The following ERBB4 variants were observed in gnomAD, a reference collection of about 807,000 sequenced individuals.
ERBB4 encodes the protein erb-b2 receptor tyrosine kinase 4.
Under a neutral mutation model 158.0 loss-of-function variants are expected in ERBB4, and 42 were observed. That is an observed-to-expected ratio of 0.27 (90% CI 0.21 to 0.34). The LOEUF (loss-of-function observed/expected upper bound fraction) is 0.34, where lower values mean the gene tolerates loss of function less well. Among genes scored for constraint, ERBB4 ranks in the 10% least tolerant of loss-of-function variants. ERBB4 has a pLI of 1.00. For synonymous variants in ERBB4, 583 were observed against 558.7 expected (o/e 1.04, Z -0.61); for missense variants, 1,333 against 1,624.1 (o/e 0.82, Z 3.08).
At chr2:212,395,350 A>G (rs1574840345) in intron 1 of ERBB4, among the ~76,000 whole-genome samples, 1 of 151,922 alleles carries the variant, frequency 6.6e-6, no homozygotes, top group East Asian at 1.9e-4. Flanking sequence ...TATTATAATA[A>G]TATTTTACAA....
intron 1 of ERBB4, among the ~76,000 whole-genome samples, chr2:212,163,460 T>C (rs987341735): frequency 1.3e-5 from 2 of 152,086 alleles, no homozygotes; most frequent in African/African-American, 2.4e-5. Flanking sequence ...AGTCTGCAAC[T>C]AAACTCTTGA....
intron 2 of ERBB4, among the ~76,000 whole-genome samples, chr2:211,968,293 C>G (rs1052682475): frequency 6.6e-6 from 1 of 151,950 alleles, no homozygotes; most frequent in Admixed American, 6.6e-5. Flanking sequence ...GGGCATAGTT[C>G]ATGAAAATCA....
At chr2:211,414,342 C>T (rs970925753) in intron 25 of ERBB4, among the ~76,000 whole-genome samples, 1 of 151,368 alleles carries the variant, frequency 6.6e-6, no homozygotes, top group African/African-American at 2.4e-5. Context: ...ACTAAAAATA[C>T]AAAAATTAGC....
chr2:212,365,390 GAAGC>G (rs145057083), intron 1 of ERBB4, among the ~76,000 whole-genome samples: 168 of 151,736 alleles, frequency 1.1e-3, no homozygotes, highest in African/African-American at 4.0e-3. Context: ...GGGAAAATAT[GAAGC>G]AAGTAAAGAA....
chr2:211,879,974 A>G (rs1312538462), intron 3 of ERBB4, among the ~76,000 whole-genome samples: 1 of 150,576 alleles, frequency 6.6e-6, no homozygotes, highest in Non-Finnish European at 1.5e-5. Context: ...ATATATTATT[A>G]ATATATATTA....
chr2:212,160,946 C>T (rs186617950), intron 1 of ERBB4, among the ~76,000 whole-genome samples: 18 of 151,956 alleles, frequency 1.2e-4, no homozygotes, highest in Admixed American at 3.3e-4. Context: ...AGACAGGTAA[C>T]AAATTGCCAA....
At chr2:211,785,300 A>G (rs888993991) in intron 4 of ERBB4, among the ~76,000 whole-genome samples, 3 of 151,906 alleles carry the variant, frequency 2.0e-5, no homozygotes, top group African/African-American at 7.3e-5. Flanking sequence ...GCGGGGTTTC[A>G]CCGTGTTAGC....
At chr2:211,483,883 T>C (rs2065142544) in intron 20 of ERBB4, among the ~76,000 whole-genome samples, 1 of 151,954 alleles carries the variant, frequency 6.6e-6, no homozygotes, top group African/African-American at 2.4e-5. Context: ...TTGAGAATAA[T>C]ACAAGTAAGA....
At chr2:211,491,782 T>G (rs538256647) in intron 20 of ERBB4, among the ~76,000 whole-genome samples, 1 of 152,208 alleles carries the variant, frequency 6.6e-6, no homozygotes, top group South Asian at 2.1e-4. Flanking sequence ...TGTTAATTGT[T>G]TGCAGAAACA....
intron 1 of ERBB4, among the ~76,000 whole-genome samples, chr2:212,447,656 GA>G (rs2092382056): frequency 6.6e-6 from 1 of 152,104 alleles, no homozygotes; most frequent in African/African-American, 2.4e-5. Flanking sequence ...AAGAATTACA[GA>G]AATTTTAAGT....
At chr2:211,647,096 C>G (rs1226767511) in intron 16 of ERBB4, among the ~76,000 whole-genome samples, 4 of 151,614 alleles carry the variant, frequency 2.6e-5, no homozygotes, top group African/African-American at 9.7e-5. Flanking sequence ...TTATCTGTAT[C>G]TTTATCCTGT....
In ERBB4 at chr2:212,348,594, C is replaced by T. The variant is rs544603147; in HGVS notation, c.82+189855G>A. Among the ~76,000 whole-genome samples the T allele has an allele frequency of 4.6e-5, 7 of 152,098 alleles. No individual in the cohort carries two copies. In the South Asian group the frequency reaches 1.5e-3, roughly 32 times the overall value. On this transcript the variant is annotated intron_variant, in intron 1 of 27. Transcript: ENST00000342788. ...GTTATAGAATGTGAAAAAATTATTT[C>T]TAAAAATAAAAATGTAAAAATAGAA...
intron 2 of ERBB4, among the ~76,000 whole-genome samples, chr2:212,094,573 A>G (rs1391689789): frequency 6.6e-6 from 1 of 150,796 alleles, no homozygotes; most frequent in Non-Finnish European, 1.5e-5. Flanking sequence ...AAATAAAAAA[A>G]TAAAAAAAAA....
intron 3 of ERBB4, among the ~76,000 whole-genome samples, chr2:211,855,304 CT>C (rs2077828068): frequency 6.6e-6 from 1 of 152,096 alleles, no homozygotes; most frequent in Non-Finnish European, 1.5e-5. Flanking sequence ...TCTTGTCACT[CT>C]TAAAATTATG....
chr2:212,194,235 G>T (rs1434868516), intron 1 of ERBB4, among the ~76,000 whole-genome samples: 4 of 151,448 alleles, frequency 2.6e-5, no homozygotes, highest in Non-Finnish European at 5.9e-5. Flanking sequence ...AAAAGGGAGA[G>T]AAATTTTTAG....
At chr2:212,188,759 C>A (rs948244008) in intron 1 of ERBB4, among the ~76,000 whole-genome samples, 1 of 151,860 alleles carries the variant, frequency 6.6e-6, no homozygotes, top group Non-Finnish European at 1.5e-5. Flanking sequence ...AGGTCATCTT[C>A]CTTCAAGATT....
At chr2:211,930,820 G>T (rs2080155152) in intron 3 of ERBB4, among the ~76,000 whole-genome samples, 1 of 152,064 alleles carries the variant, frequency 6.6e-6, no homozygotes, top group African/African-American at 2.4e-5. Flanking sequence ...AAATATATTT[G>T]GTACTGTTTC....
chr2:212,277,961 GAC>G (rs1358904648), intron 1 of ERBB4, among the ~76,000 whole-genome samples: 1 of 151,486 alleles, frequency 6.6e-6, no homozygotes, highest in African/African-American at 2.4e-5. Context: ...AAAAAAATCA[GAC>G]AATGGCCTTT....
chr2:212,249,899 TTG>T (rs2084467037), intron 1 of ERBB4, among the ~76,000 whole-genome samples: 1 of 152,022 alleles, frequency 6.6e-6, no homozygotes, highest in South Asian at 2.1e-4. Context: ...GTAAAGAAGC[TTG>T]ACAATGTCAA....
Sources: gnomAD v4.1 joint callset for allele counts (sites outside exome capture counted in the v4.1 genomes callset) on GRCh38, gnomAD v4.1.1 for gene constraint, MANE v1.5 for transcripts, NCBI Gene and HGNC (gene_info 2026-07-23, HGNC 2026-07-21) for gene names.